The following ASTN2 variants were observed in gnomAD, a reference collection of about 807,000 sequenced individuals.
The protein encoded by ASTN2 is astrotactin-2.
In ASTN2, 54 loss-of-function variants were observed where a neutral mutation model predicts 139.8. The ratio of observed to expected loss-of-function variants is 0.39; its 90% CI spans 0.31 to 0.48. The LOEUF is 0.48. Among genes scored for constraint, ASTN2 ranks in the 20% least tolerant of loss-of-function variants. The pLI, the probability that ASTN2 is intolerant of heterozygous loss-of-function variation, is 0.95. For missense variants in ASTN2, 1,565 were observed against 1,725.1 expected, an observed-to-expected ratio of 0.91 and a Z score of 1.64; for synonymous variants, 756 against 719.5, an observed-to-expected ratio of 1.05 and a Z score of -0.81.
At chr9:116,750,909 G>C (rs999443543) in intron 13 of ASTN2, among the ~76,000 whole-genome samples, 1 of 152,132 alleles carries the variant, frequency 6.6e-6, no homozygotes, top group African/African-American at 2.4e-5. Flanking sequence ...TTAATGAACA[G>C]AATTTTTGTT....
At chr9:116,770,283 G>A (rs1183793320) in intron 13 of ASTN2, among the ~76,000 whole-genome samples, 4 of 152,008 alleles carry the variant, frequency 2.6e-5, no homozygotes, top group African/African-American at 9.7e-5. Flanking sequence ...CAAGGTTGTA[G>A]GAAAGATAGT....
At chr9:117,244,101 C>T (rs1833295068) in intron 2 of ASTN2, among the ~76,000 whole-genome samples, 1 of 152,158 alleles carries the variant, frequency 6.6e-6, no homozygotes, top group African/African-American at 2.4e-5. Context: ...TTCACACACT[C>T]ATGCTCTCTC....
chr9:116,654,827 T>G (rs899270768), intron 16 of ASTN2, among the ~76,000 whole-genome samples: 1 of 152,264 alleles, frequency 6.6e-6, no homozygotes, highest in Non-Finnish European at 1.5e-5. Flanking sequence ...AACTTGGTGC[T>G]AAGAGTAAAA....
intron 5 of ASTN2, among the ~76,000 whole-genome samples, chr9:117,051,819 C>A (rs13300629): frequency 0.17 from 26,409 of 152,094 alleles, 2,542 homozygotes; most frequent in African/African-American, 0.24. Flanking sequence ...TGCCCAGAGC[C>A]AGTCCTGGGT....
At chr9:116,856,205 T>G (rs893819520) in intron 11 of ASTN2, among the ~76,000 whole-genome samples, 1 of 152,352 alleles carries the variant, frequency 6.6e-6, no homozygotes, top group South Asian at 2.1e-4. Flanking sequence ...TTTTGGATTT[T>G]GGCAAAATCT....
At chr9:116,629,112 C>CTTTTTTT (rs57200909) in intron 17 of ASTN2, among the ~76,000 whole-genome samples, 4 of 100,488 alleles carry the variant, frequency 4.0e-5, no homozygotes, top group Non-Finnish European at 5.5e-5. Context: ...TCCAGTAACT[C>CTTTTTTT]TTTTTTTTTT....
At chr9:117,103,646 C>T (rs967064571) in intron 4 of ASTN2, among the ~76,000 whole-genome samples, 3 of 152,190 alleles carry the variant, frequency 2.0e-5, no homozygotes, top group African/African-American at 7.2e-5. Context: ...CTCTTGCTAT[C>T]ATGATGGATG....
At chr9:116,574,752 A>G (rs1470021644) in intron 19 of ASTN2, among the ~76,000 whole-genome samples, 1 of 152,196 alleles carries the variant, frequency 6.6e-6, no homozygotes, top group Non-Finnish European at 1.5e-5. Context: ...AGCAAAGCCA[A>G]CGTGCAGAAG....
At chr9:116,497,135 C>T (rs968964054) in intron 19 of ASTN2, among the ~76,000 whole-genome samples, 17 of 152,312 alleles carry the variant, frequency 1.1e-4, no homozygotes, top group South Asian at 1.0e-3. Flanking sequence ...CATCTGAGGT[C>T]ACTGGCAGCA....
At position 117,048,658 on chromosome 9, in the gene ASTN2, A is replaced by C. The variant is rs373319835; in HGVS notation, c.1277-8693T>G. Among the ~76,000 whole-genome samples, 7 of 152,344 alleles carry C rather than the reference A, an allele frequency of 4.6e-5. No individual in the cohort carries two copies. The East Asian group carries it at 1.2e-3, about 25-fold the overall frequency. ...CAATGGTGTTAGAGATGAAGATGAT[A>C]GAGATGGTACCGTATTATTTTAGCT... On this transcript the variant is annotated intron_variant, in intron 5 of 22. Coordinates refer to ENST00000313400, the MANE Select transcript of ASTN2 (RefSeq NM_001365068.1).
chr9:116,638,957 C>T (rs1475990345), intron 17 of ASTN2, among the ~76,000 whole-genome samples: 1 of 152,160 alleles, frequency 6.6e-6, no homozygotes, highest in African/African-American at 2.4e-5. Flanking sequence ...TTAACATTTA[C>T]ACATGAAATT....
At chr9:116,470,704 A>G (rs1848786439) in intron 20 of ASTN2, among the ~76,000 whole-genome samples, 1 of 152,222 alleles carries the variant, frequency 6.6e-6, no homozygotes, top group African/African-American at 2.4e-5. Context: ...CAAAAGTCCT[A>G]CCTGAAGAAA....
chr9:116,838,092 C>T (rs1832061524), intron 11 of ASTN2, among the ~76,000 whole-genome samples: 1 of 150,718 alleles, frequency 6.6e-6, no homozygotes, highest in South Asian at 2.1e-4. Flanking sequence ...TCCAGTTCTG[C>T]CTGGCTGTGT....
At chr9:116,660,865 C>T (rs967460657) in intron 16 of ASTN2, among the ~76,000 whole-genome samples, 3 of 152,204 alleles carry the variant, frequency 2.0e-5, no homozygotes, top group African/African-American at 7.2e-5. Context: ...AACTCCTCAT[C>T]CAACTCCTCT....
chr9:117,319,516 C>T (rs1828255901), intron 1 of ASTN2, among the ~76,000 whole-genome samples: 3 of 152,116 alleles, frequency 2.0e-5, no homozygotes, highest in African/African-American at 4.8e-5. Context: ...GCAACCTCCA[C>T]CGCCCAGTTC....
chr9:116,863,759 C>T, intron 10 of ASTN2, 26 bp from the exon 11 acceptor site: 3 of 1,585,060 alleles, frequency 1.9e-6, no homozygotes, highest in South Asian at 2.3e-5. Flanking sequence ...GATGGTTAAA[C>T]CCCAGAGACA....
intron 3 of ASTN2, among the ~76,000 whole-genome samples, chr9:117,169,195 G>A (rs1222278113): frequency 1.1e-5 from 1 of 92,972 alleles, no homozygotes; most frequent in Non-Finnish European, 2.1e-5. Flanking sequence ...AAAATAAAAA[G>A]GAAGAAGAAA....
intron 6 of ASTN2, among the ~76,000 whole-genome samples, chr9:117,012,545 C>T (rs1053772216): frequency 5.3e-5 from 8 of 152,178 alleles, no homozygotes; most frequent in African/African-American, 1.4e-4. Context: ...GATCAAATAT[C>T]TGCCCAGATA....
At position 117,350,374 on chromosome 9, in the gene ASTN2, C is replaced by A. The variant is rs377681681; in HGVS notation, c.443-58861G>T. ...GACCAGCCTGGCCAATATGGTAAAA[C>A]CCCGTCTCTATTAAAAATACAAAAA... is the stretch of plus-strand genomic sequence containing the variant. On this transcript the variant is annotated intron_variant, in intron 1 of 22. Transcript: ENST00000313400. Among the ~76,000 whole-genome samples the A allele has an allele frequency of 8.1e-4, 123 of 151,958 alleles. No individual in the cohort carries two copies. The South Asian group carries it at 0.025, about 30-fold the overall frequency.
Sources: allele counts gnomAD v4.1 joint callset (sites outside exome capture counted in the v4.1 genomes callset), GRCh38; gene constraint gnomAD v4.1.1; transcripts MANE v1.5; gene names NCBI Gene and HGNC (gene_info 2026-07-23, HGNC 2026-07-21).